LRMDA: variants seen among roughly 807,000 people sequenced by gnomAD.
LRMDA encodes the protein leucine rich melanocyte differentiation associated.
In LRMDA, 18 loss-of-function variants were observed where a neutral mutation model predicts 29.8. The observed-to-expected ratio is 0.60, with a 90% confidence interval of 0.42 to 0.90. The LOEUF is 0.90. Among genes scored for constraint, LRMDA ranks in the 40% least tolerant of loss-of-function variants. The pLI is 0.00. For missense variants in LRMDA, 273 were observed against 273.9 expected (o/e 1.00, Z 0.02); for synonymous variants, 125 against 109.4 (o/e 1.14, Z -0.89).
Position 76,557,593 on chromosome 10 carries a change from G to A in LRMDA, c.*305G>A. The stretch of plus-strand genomic sequence containing the variant: ...GCATGAACACCATGATAGATTGCCT[G>A]GTCCTGCCACTGCTCACAGGGGAGC... On this transcript the variant is annotated 3_prime_UTR_variant, in exon 7 of 7. Coordinates refer to ENST00000611255, the MANE Select transcript of LRMDA (RefSeq NM_001305581.2). The A allele has an allele frequency of 2.4e-6, 1 of 411,056 alleles. No homozygotes were observed. The allele number at this position is 411,056 out of a possible 1,614,324, so 25.5% of individuals were successfully genotyped here.
chr10:75,845,720 A>G (rs186342096), intron 2 of LRMDA, among the ~76,000 whole-genome samples: 91 of 152,238 alleles, frequency 6.0e-4, no homozygotes, highest in Middle Eastern at 6.8e-3. Context: ...GCACATCTAC[A>G]TGTTTTGTAA....
At chr10:75,761,710 A>G (rs373908968) in intron 2 of LRMDA, among the ~76,000 whole-genome samples, 3 of 152,334 alleles carry the variant, frequency 2.0e-5, no homozygotes, top group African/African-American at 7.2e-5. Context: ...ATGTTTTACC[A>G]CAATAAAAAA....
chr10:76,480,851 A>T (rs755057967), intron 6 of LRMDA, among the ~76,000 whole-genome samples: 3 of 151,956 alleles, frequency 2.0e-5, no homozygotes, highest in Non-Finnish European at 4.4e-5. Context: ...AGCGAAAAAT[A>T]ATTTCCCAGT....
intron 6 of LRMDA, among the ~76,000 whole-genome samples, chr10:76,415,602 ATGTGTG>A (rs758836213): frequency 7.7e-6 from 1 of 130,604 alleles, no homozygotes; most frequent in African/African-American, 2.6e-5. Context: ...TGGGGCGTGT[ATGTGTG>A]TGTGTGTGTG....
intron 5 of LRMDA, among the ~76,000 whole-genome samples, chr10:76,123,893 G>A (rs1198969076): frequency 3.3e-5 from 5 of 152,198 alleles, no homozygotes; most frequent in South Asian, 2.1e-4. Flanking sequence ...TTAATAACTG[G>A]TTGAAGGATG....
rs555427355 is a variant in LRMDA at position 76,498,174 on chromosome 10, C to T, written c.602-59035C>T. On this transcript the variant is annotated intron_variant, in intron 6 of 6. Transcript: ENST00000611255. ...TTTGATTGTGACACTGCAGGGCTAACTCCACCTGTGCTAAGCATTCAGCAT... is the reference window on the plus strand; with the variant it reads ...TTTGATTGTGACACTGCAGGGCTAATTCCACCTGTGCTAAGCATTCAGCAT... Among the ~76,000 whole-genome samples, 75 of 75,694 alleles carry T rather than the reference C, an allele frequency of 9.9e-4. 17 individuals carry two copies. Among genetic ancestry groups the T allele is most frequent in the African/African-American group, 2.2e-3 (69 of 31,188 alleles). The allele number at this position is 75,694 out of a possible 152,430, so 49.7% of individuals were successfully genotyped here. A position where few individuals can be genotyped will look rare whatever the true frequency, so the allele number is the denominator to read the frequency against.
chr10:75,813,319 C>T (rs546315077), intron 2 of LRMDA, among the ~76,000 whole-genome samples: 31 of 152,292 alleles, frequency 2.0e-4, no homozygotes, highest in Admixed American at 1.3e-3. Flanking sequence ...TGCCGACCCA[C>T]GGGGAGAAAC....
intron 5 of LRMDA, among the ~76,000 whole-genome samples, chr10:76,166,867 A>G (rs926443197): frequency 1.3e-5 from 2 of 152,130 alleles, no homozygotes; most frequent in Non-Finnish European, 2.9e-5. Context: ...AGAAATCACC[A>G]CACTGCTTTC....
rs181627602 is a variant in LRMDA, at chr10:76,320,940, C to T, written c.517-3461C>T. ...TTATATTTCCATAAATATTATATTA[C>T]ATTTATCATTTTGCAACTTGCATTT... On this transcript the variant is annotated intron_variant, in intron 5 of 6. Coordinates refer to ENST00000611255, the MANE Select transcript of LRMDA (RefSeq NM_001305581.2). Among the ~76,000 whole-genome samples the T allele has an allele frequency of 2.6e-4, 40 of 152,284 alleles. No homozygotes were observed. The East Asian group carries it at 3.9e-3, about 15-fold the overall frequency.
At chr10:76,470,692 A>T (rs1338431842) in intron 6 of LRMDA, among the ~76,000 whole-genome samples, 1 of 152,088 alleles carries the variant, frequency 6.6e-6, no homozygotes, top group African/African-American at 2.4e-5. Flanking sequence ...AAAATAGGCA[A>T]ATACATAGAG....
At chr10:75,855,907 C>G (rs1844817577) in intron 2 of LRMDA, among the ~76,000 whole-genome samples, 1 of 152,160 alleles carries the variant, frequency 6.6e-6, no homozygotes, top group South Asian at 2.1e-4. Flanking sequence ...GGGCTCTGTT[C>G]TGTTCCATTG....
At chr10:75,758,001 T>C (rs998765997) in intron 2 of LRMDA, among the ~76,000 whole-genome samples, 23 of 152,188 alleles carry the variant, frequency 1.5e-4, no homozygotes, top group African/African-American at 5.5e-4. Flanking sequence ...GGTTTCACCA[T>C]GTTGGCCAGG....
chr10:75,626,190 C>T (rs548363843), intron 2 of LRMDA, among the ~76,000 whole-genome samples: 105 of 152,162 alleles, frequency 6.9e-4, no homozygotes, highest in Admixed American at 1.4e-3. Context: ...AGCTACTCAC[C>T]ACCTACCCGT....
intron 2 of LRMDA, among the ~76,000 whole-genome samples, chr10:75,621,913 T>C (rs1277878157): frequency 6.6e-6 from 1 of 152,138 alleles, no homozygotes; most frequent in Non-Finnish European, 1.5e-5. Context: ...TCTGAGCAGA[T>C]TGAGTGTTAC....
chr10:76,052,720 G>C (rs1366888304), intron 4 of LRMDA, among the ~76,000 whole-genome samples: 1 of 152,200 alleles, frequency 6.6e-6, no homozygotes, highest in Non-Finnish European at 1.5e-5. Flanking sequence ...TAGGAAATCT[G>C]TTTCCAGACA....
intron 2 of LRMDA, among the ~76,000 whole-genome samples, chr10:75,574,959 A>G (rs943617075): frequency 2.6e-5 from 4 of 152,178 alleles, no homozygotes; most frequent in African/African-American, 9.7e-5. Flanking sequence ...TAGAGGAAGC[A>G]TGGCAGCTTC....
intron 2 of LRMDA, among the ~76,000 whole-genome samples, chr10:75,596,177 G>A (rs1238031916): frequency 6.6e-6 from 1 of 152,188 alleles, no homozygotes; most frequent in African/African-American, 2.4e-5. Context: ...ATATGATTAT[G>A]ATCCCTACAT....
At chr10:75,626,540 G>A (rs1841252315) in intron 2 of LRMDA, among the ~76,000 whole-genome samples, 1 of 152,198 alleles carries the variant, frequency 6.6e-6, no homozygotes, top group South Asian at 2.1e-4. Context: ...GCTAGGGAGG[G>A]GAAGGTCCTC....
intron 5 of LRMDA, among the ~76,000 whole-genome samples, chr10:76,294,398 T>G (rs1245825084): frequency 6.6e-6 from 1 of 152,130 alleles, no homozygotes; most frequent in Non-Finnish European, 1.5e-5. Flanking sequence ...ACTGGTGAAG[T>G]CATCTCTTGG....
Sources: gnomAD v4.1 joint callset for allele counts (sites outside exome capture counted in the v4.1 genomes callset) on GRCh38, gnomAD v4.1.1 for gene constraint, MANE v1.5 for transcripts, NCBI Gene and HGNC (gene_info 2026-07-23, HGNC 2026-07-21) for gene names.